SGCD: variants seen among roughly 807,000 people sequenced by gnomAD.
SGCD encodes delta-sarcoglycan.
SGCD carries 18 observed loss-of-function variants against 36.6 expected under a neutral mutation model. The ratio of observed to expected loss-of-function variants is 0.49; its 90% CI spans 0.34 to 0.73. The LOEUF (loss-of-function observed/expected upper bound fraction) is 0.73, where lower values mean the gene tolerates loss of function less well. Among genes scored for constraint, SGCD ranks in the 30% least tolerant of loss-of-function variants. The pLI is 0.01. For missense variants in SGCD, 387 were observed against 346.7 expected, an observed-to-expected ratio of 1.12 and a Z score of -0.92; for synonymous variants, 133 against 130.6, an observed-to-expected ratio of 1.02 and a Z score of -0.12.
intron 6 of SGCD, among the ~76,000 whole-genome samples, chr5:156,610,687 C>T (rs1554121844): frequency 6.6e-6 from 1 of 152,230 alleles, no homozygotes; most frequent in Non-Finnish European, 1.5e-5. Context: ...CGGTGGGCTC[C>T]ACCCAGTTCA....
At chr5:156,479,894 T>G (rs1343615045) in intron 3 of SGCD, among the ~76,000 whole-genome samples, 1 of 152,206 alleles carries the variant, frequency 6.6e-6, no homozygotes, top group Non-Finnish European at 1.5e-5. Flanking sequence ...ATAAAGAAGT[T>G]ACCCGCTTTG....
At chr5:155,873,184 C>A (rs540498203) in intron 1 of SGCD, among the ~76,000 whole-genome samples, 193 of 152,208 alleles carry the variant, frequency 1.3e-3, no homozygotes, top group South Asian at 4.6e-3. Context: ...GGTAGGTGTC[C>A]AAGCCAGTTA....
At chr5:156,485,767 T>A (rs1264203177) in intron 3 of SGCD, among the ~76,000 whole-genome samples, 1 of 152,036 alleles carries the variant, frequency 6.6e-6, no homozygotes, top group African/African-American at 2.4e-5. Context: ...AGCGTCTTTG[T>A]GAGAACACTG....
chr5:156,534,913 C>T (rs1462677506), intron 4 of SGCD, among the ~76,000 whole-genome samples: 2 of 152,116 alleles, frequency 1.3e-5, no homozygotes, highest in African/African-American at 4.8e-5. Context: ...AGAAAAGTAT[C>T]AATGGATTGG....
At chr5:156,553,904 T>C (rs769461265) in intron 4 of SGCD, among the ~76,000 whole-genome samples, 1 of 152,344 alleles carries the variant, frequency 6.6e-6, no homozygotes, top group Non-Finnish European at 1.5e-5. Context: ...TTATGAGCAA[T>C]GCTACAATGA....
chr5:155,730,854 A>G, the SGCD span, among the ~76,000 whole-genome samples: 1 of 152,142 alleles, frequency 6.6e-6, no homozygotes, highest in Non-Finnish European at 1.5e-5. Flanking sequence ...TTCCCTCCTA[A>G]GGAGCGCCCT....
At chr5:156,542,411 A>T (rs529000667) in intron 4 of SGCD, among the ~76,000 whole-genome samples, 2 of 152,300 alleles carry the variant, frequency 1.3e-5, no homozygotes, top group South Asian at 4.1e-4. Context: ...AAACATAGTC[A>T]CCTTTGAATT....
At chr5:156,082,256 T>G (rs1013059392) in intron 1 of SGCD, among the ~76,000 whole-genome samples, 1 of 96,750 alleles carries the variant, frequency 1.0e-5, no homozygotes, top group African/African-American at 4.7e-5. Flanking sequence ...TGTGTGTGTG[T>G]GTAGGCTGGT....
chr5:156,736,542 A>G (rs570911432), intron 7 of SGCD, among the ~76,000 whole-genome samples: 32 of 151,742 alleles, frequency 2.1e-4, no homozygotes, highest in Admixed American at 2.0e-3. Flanking sequence ...AGACCCCCAG[A>G]GGAATGCACT....
At chr5:156,645,751 T>C (rs434116) in intron 6 of SGCD, among the ~76,000 whole-genome samples, 117,563 of 152,066 alleles carry the variant, frequency 0.77, 46,540 homozygotes, top group South Asian at 0.89. Context: ...AAGATACTAA[T>C]AGTCTCCACT....
chr5:155,778,287 T>C, the SGCD span, among the ~76,000 whole-genome samples: 1 of 152,212 alleles, frequency 6.6e-6, no homozygotes, highest in African/African-American at 2.4e-5. Context: ...TCCAGCATAG[T>C]AGTTTTTGGT....
chr5:156,471,101 A>T (rs1754943397), intron 3 of SGCD, among the ~76,000 whole-genome samples: 2 of 152,194 alleles, frequency 1.3e-5, no homozygotes, highest in African/African-American at 2.4e-5. Flanking sequence ...TACAATAGAC[A>T]AATACAGCAG....
chr5:156,384,121 T>C (rs1561660269), intron 3 of SGCD, among the ~76,000 whole-genome samples: 1 of 152,208 alleles, frequency 6.6e-6, no homozygotes, highest in Non-Finnish European at 1.5e-5. Context: ...TAAATATGTG[T>C]AGCACATTCA....
the SGCD span, among the ~76,000 whole-genome samples, chr5:155,822,666 T>G: frequency 6.6e-6 from 1 of 152,216 alleles, no homozygotes; most frequent in Non-Finnish European, 1.5e-5. Context: ...CTCCATTATA[T>G]TTTAATAGTG....
chr5:156,507,091 G>T (rs2127873071), intron 3 of SGCD, among the ~76,000 whole-genome samples: 1 of 152,268 alleles, frequency 6.6e-6, no homozygotes, highest in Non-Finnish European at 1.5e-5. Flanking sequence ...AGATGTTCAT[G>T]TATAATCTCA....
At chr5:156,070,241 C>T (rs888625373) in intron 1 of SGCD, among the ~76,000 whole-genome samples, 1 of 151,896 alleles carries the variant, frequency 6.6e-6, no homozygotes, top group Non-Finnish European at 1.5e-5. Flanking sequence ...AGTTTTTGCC[C>T]ATTCAGTATG....
At chr5:155,960,505 A>G (rs1470113301) in intron 1 of SGCD, among the ~76,000 whole-genome samples, 1 of 152,074 alleles carries the variant, frequency 6.6e-6, no homozygotes, top group Non-Finnish European at 1.5e-5. Context: ...TCCTTTGACA[A>G]AAACAGTAGA....
intron 3 of SGCD, among the ~76,000 whole-genome samples, chr5:156,135,589 C>G (rs73811410): frequency 0.013 from 1,905 of 151,746 alleles, 38 homozygotes; most frequent in African/African-American, 0.044. Context: ...GTTACTTTTT[C>G]CTTGTCTCCT....
At chr5:156,155,334 C>T (rs1410089998) in intron 3 of SGCD, among the ~76,000 whole-genome samples, 2 of 151,464 alleles carry the variant, frequency 1.3e-5, no homozygotes, top group Non-Finnish European at 2.9e-5. Flanking sequence ...CTAAAAAGGG[C>T]AGCCTATTAC....
Sources: allele counts gnomAD v4.1 joint callset (sites outside exome capture counted in the v4.1 genomes callset), GRCh38; gene constraint gnomAD v4.1.1; transcripts MANE v1.5; gene names NCBI Gene and HGNC (gene_info 2026-07-23, HGNC 2026-07-21).